LGI1: variants seen among roughly 807,000 people sequenced by gnomAD.
LGI1 encodes leucine rich glioma inactivated 1, also known as leucine-rich glioma-inactivated protein 1.
LGI1 carries 11 observed loss-of-function variants against 57.7 expected under a neutral mutation model. That is an observed-to-expected ratio of 0.19 (90% CI 0.12 to 0.32). The LOEUF (loss-of-function observed/expected upper bound fraction) is 0.32, where lower values mean the gene tolerates loss of function less well. LGI1 is among the 10% of genes least tolerant of loss of function. The probability of loss-of-function intolerance (pLI) is 1.00; values close to 1 mark genes in which losing one functional copy is unlikely to be tolerated. For synonymous variants in LGI1, 222 were observed against 241.9 expected (o/e 0.92, Z 0.76); for missense variants, 422 against 661.9 (o/e 0.64, Z 3.98).
chr10:93,790,284 T>A, intron 5 of LGI1, 114 bp downstream of exon 5: 1 of 1,008,754 alleles, frequency 9.9e-7, no homozygotes, highest in Non-Finnish European at 1.4e-6. Context: ...ATTAGGATTT[T>A]TAAATCTAAA....
chr10:93,765,468 A>G (rs2059664365), intron 2 of LGI1: 1 of 152,186 alleles, frequency 6.6e-6, no homozygotes, highest in Non-Finnish European at 1.5e-5. Context: ...ATTGTGGTAC[A>G]TGCACATGGA....
At chr10:93,785,098 ATGTGTG>A (rs148683291) in intron 4 of LGI1, among the ~76,000 whole-genome samples, 1 of 152,012 alleles carries the variant, frequency 6.6e-6, no homozygotes, top group Non-Finnish European at 1.5e-5. Context: ...GTGTGTGTAT[ATGTGTG>A]TGTGTGTATC....
chr10:93,764,729 G>C (rs1194102147), intron 2 of LGI1: 1 of 152,170 alleles, frequency 6.6e-6, no homozygotes, highest in Non-Finnish European at 1.5e-5. Context: ...ATTACAGTAA[G>C]GATTAAGTAA....
chr10:93,783,212 T>C (rs1202261427), intron 4 of LGI1, among the ~76,000 whole-genome samples: 5 of 151,902 alleles, frequency 3.3e-5, no homozygotes, highest in African/African-American at 1.2e-4. Context: ...CCATCTCTAC[T>C]AAAAATACAA....
chr10:93,792,988 TA>T, intron 6 of LGI1, 76 bp downstream of exon 6: 1 of 1,438,846 alleles, frequency 7.0e-7, no homozygotes, highest in Non-Finnish European at 9.7e-7. Context: ...CAGGAACTGA[TA>T]TTTTTTATAT....
Position 93,786,598 on chromosome 10 carries a change from T to C in LGI1, c.432-3501T>C, listed in dbSNP as rs568578822. 1.7e-4 allele frequency among the ~76,000 whole-genome samples: 8 copies of C among 46,172 alleles called. 1 individual carries two copies. The highest frequency in any genetic ancestry group is 2.4e-4 in the African/African-American group (8 of 33,210). 30.3% of individuals were successfully genotyped at this position (46,172 alleles called of 152,430 possible). A position where few individuals can be genotyped will look rare whatever the true frequency, so the allele number is the denominator to read the frequency against. ...GATCCCTTATATCTCTTTGTTGTTG[T>C]TGTTGTTGTTGTTTTTGAAACAAGG... is the stretch of plus-strand genomic sequence containing the variant. On this transcript the variant is annotated intron_variant, in intron 4 of 7. Coordinates refer to ENST00000371418, the MANE Select transcript of LGI1 (RefSeq NM_005097.4).
chr10:93,762,609 A>C (rs576045916), intron 2 of LGI1: 7 of 152,336 alleles, frequency 4.6e-5, no homozygotes, highest in African/African-American at 1.7e-4. Context: ...AGCTGGTTAT[A>C]GGTGAGCACG....
chr10:93,761,680 A>AAACCCACAT (rs1029970958), intron 2 of LGI1, among the ~76,000 whole-genome samples: 8 of 152,218 alleles, frequency 5.3e-5, no homozygotes, highest in African/African-American at 1.9e-4. Flanking sequence ...AGAAAAACAA[A>AAACCCACAT]AACCCACATT....
At chr10:93,761,080 T>C (rs528778310) in intron 2 of LGI1, among the ~76,000 whole-genome samples, 76 of 152,282 alleles carry the variant, frequency 5.0e-4, no homozygotes, top group Non-Finnish European at 2.5e-4. Context: ...AATAAACTCA[T>C]GTGCGGTGTG....
chr10:93,776,174 C>G (rs2133999360), intron 2 of LGI1: 1 of 152,292 alleles, frequency 6.6e-6, no homozygotes, highest in South Asian at 2.1e-4. Context: ...GATTAGAAGA[C>G]AATCCAACAC....
chr10:93,789,838 C>A lies in LGI1; in HGVS notation c.432-261C>A, dbSNP rs4244342. The stretch of plus-strand genomic sequence containing the variant: ...AGTGAGCTGAGGTCACACCACTTCA[C>A]TCCAGCCTGGGTGACAGAGCGAGAC... On this transcript the variant is annotated intron_variant, in intron 4 of 7. Coordinates refer to ENST00000371418, the MANE Select transcript of LGI1 (RefSeq NM_005097.4). 0.94 allele frequency: 411,741 copies of A among 440,360 alleles called. 197,647 individuals are homozygous for A. Among genetic ancestry groups the A allele is most frequent in the East Asian group, 1 (25,104 of 25,106 alleles). The allele number at this position is 440,360 out of a possible 1,614,324, so 27.3% of individuals were successfully genotyped here.
At chr10:93,759,931 T>A (rs1046496542) in intron 2 of LGI1, among the ~76,000 whole-genome samples, 3 of 152,228 alleles carry the variant, frequency 2.0e-5, no homozygotes, top group African/African-American at 7.2e-5. Context: ...AGTCTTCTTA[T>A]CTTTAAAATG....
chr10:93,783,190 C>A (rs1045186851), intron 4 of LGI1: 1 of 151,938 alleles, frequency 6.6e-6, no homozygotes, highest in Non-Finnish European at 1.5e-5. Context: ...TCCTGGCTAA[C>A]ACGGTGAAAC....
chr10:93,792,572 TA>T, intron 5 of LGI1, 170 bp from the exon 6 acceptor site: 1 of 703,180 alleles, frequency 1.4e-6, no homozygotes, highest in Non-Finnish European at 2.6e-6. Flanking sequence ...TGCATGGTGC[TA>T]ACTCTCTGAG....
intron 7 of LGI1, chr10:93,793,891 T>C (rs1237852869): frequency 6.5e-6 from 1 of 154,220 alleles, no homozygotes; most frequent in African/African-American, 2.4e-5. Context: ...CTTGGTCTTG[T>C]AGGTTCATAA....
chr10:93,767,212 A>T (rs967152534), intron 2 of LGI1: 3 of 152,196 alleles, frequency 2.0e-5, no homozygotes, highest in African/African-American at 7.2e-5. Context: ...TTATATGTGT[A>T]AGCTCTGATC....
At chr10:93,769,985 G>T (rs962934707) in intron 2 of LGI1, 2 of 152,268 alleles carry the variant, frequency 1.3e-5, no homozygotes, top group Admixed American at 6.5e-5. Flanking sequence ...TAGAGCCAGG[G>T]TGCCTGGCAC....
intron 4 of LGI1, among the ~76,000 whole-genome samples, chr10:93,782,581 C>G (rs1253767897): frequency 1.3e-5 from 2 of 151,440 alleles, no homozygotes; most frequent in Non-Finnish European, 2.9e-5. Flanking sequence ...ACAAAGTGCT[C>G]AGAACAGGGC....
chr10:93,762,413 A>G (rs1360644687), intron 2 of LGI1: 2 of 152,250 alleles, frequency 1.3e-5, no homozygotes, highest in Non-Finnish European at 2.9e-5. Context: ...CATCCTTACT[A>G]AGGCTTTATC....
Sources: gnomAD v4.1 joint callset for allele counts (sites outside exome capture counted in the v4.1 genomes callset) on GRCh38, gnomAD v4.1.1 for gene constraint, MANE v1.5 for transcripts, NCBI Gene and HGNC (gene_info 2026-07-23, HGNC 2026-07-21) for gene names.